Variants in CCDC191 observed in about 807,000 individuals in gnomAD.
CCDC191 encodes the protein coiled-coil domain containing 191.
CCDC191 carries 99 observed loss-of-function variants against 114.0 expected under a neutral mutation model. The ratio of observed to expected loss-of-function variants is 0.87; its 90% CI spans 0.74 to 1.03. The LOEUF (loss-of-function observed/expected upper bound fraction) is 1.03. Ranked by LOEUF, CCDC191 falls within the 50% of genes least tolerant of loss-of-function variation. CCDC191 has a pLI of 0.00. For missense variants in CCDC191, 973 were observed against 1,087.0 expected (o/e 0.90, Z 1.47); for synonymous variants, 351 against 376.0 (o/e 0.93, Z 0.77).
chr3:113,968,460 C>G (rs562729506), intron 16 of CCDC191, among the ~76,000 whole-genome samples: 2 of 151,856 alleles, frequency 1.3e-5, no homozygotes, highest in South Asian at 2.1e-4. Flanking sequence ...TCTTCCCCCC[C>G]CTTTTTTTTT....
chr3:113,980,256 A>C (rs1413717664), intron 14 of CCDC191, among the ~76,000 whole-genome samples: 1 of 152,200 alleles, frequency 6.6e-6, no homozygotes, highest in Non-Finnish European at 1.5e-5. Flanking sequence ...CCACAGACAT[A>C]TGAGTGAGAA....
At chr3:114,000,043 T>C (rs182951376) in intron 13 of CCDC191, among the ~76,000 whole-genome samples, 3 of 152,230 alleles carry the variant, frequency 2.0e-5, no homozygotes, top group Admixed American at 1.3e-4. Context: ...GAGATGTGCA[T>C]GGGTGCCATG....
At chr3:113,996,341 C>T (rs929169723) in intron 13 of CCDC191, among the ~76,000 whole-genome samples, 4 of 152,164 alleles carry the variant, frequency 2.6e-5, no homozygotes, top group Non-Finnish European at 2.9e-5. Context: ...AGCCAGTTTT[C>T]CCAGCACCAT....
At position 113,964,450 on chromosome 3, in the gene CCDC191, CTGAG is replaced by C. The variant is rs1281027839; in HGVS notation, c.*701_*704del. 2 of 152,104 alleles carry C rather than the reference CTGAG, an allele frequency of 1.3e-5. No homozygotes were observed. The highest frequency in any genetic ancestry group is 2.9e-5 in the Non-Finnish European group (2 of 68,038). 9.4% of individuals were successfully genotyped at this position (152,104 alleles called of 1,614,324 possible). ...ACTGAGCTGAGTACTAGAAGACAAA[CTGAG>C]TGTATTATTCAGCAGTTGCAGGTGG... On this transcript the variant is annotated 3_prime_UTR_variant, in exon 17 of 17. Coordinates refer to ENST00000295878, the MANE Select transcript of CCDC191 (RefSeq NM_020817.2).
In CCDC191 at chr3:114,011,106, G is replaced by C. The variant is rs1356540093; in HGVS notation, c.1164-85C>G. 9 of 1,432,234 alleles carry C rather than the reference G, an allele frequency of 6.3e-6. No homozygotes were observed. The East Asian group carries it at 1.4e-4, about 22-fold the overall frequency. 88.7% of individuals were successfully genotyped at this position (1,432,234 alleles called of 1,614,324 possible). A position where few individuals can be genotyped will look rare whatever the true frequency, so the allele number is the denominator to read the frequency against. ...ATATAAATGAAACATAAGTCCAAAAGGGTTCTAGAAATGCTCCATCTTAGC... is the reference window on the plus strand; with the variant it reads ...ATATAAATGAAACATAAGTCCAAAACGGTTCTAGAAATGCTCCATCTTAGC... On this transcript the variant is annotated intron_variant, in intron 8 of 16. Coordinates refer to ENST00000295878, the MANE Select transcript of CCDC191 (RefSeq NM_020817.2).
intron 13 of CCDC191, among the ~76,000 whole-genome samples, chr3:113,989,265 A>G (rs1206312694): frequency 2.0e-5 from 3 of 152,248 alleles, no homozygotes; most frequent in African/African-American, 4.8e-5. Context: ...GAATACAGAT[A>G]TAGATACCGT....
At chr3:114,004,044 G>T in intron 11 of CCDC191, 1 of 970,176 alleles carries the variant, frequency 1.0e-6, no homozygotes, top group Non-Finnish European at 1.2e-6. Flanking sequence ...TGAGGTGGGA[G>T]GACTCCTTGA....
intron 13 of CCDC191, among the ~76,000 whole-genome samples, chr3:113,993,810 G>C (rs1012974684): frequency 1.3e-5 from 2 of 152,102 alleles, no homozygotes; most frequent in East Asian, 1.9e-4. Context: ...GCTTGAGCCT[G>C]GGAGGTGGAG....
chr3:113,982,858 A>C (rs1192955492), intron 13 of CCDC191, among the ~76,000 whole-genome samples: 1 of 32,496 alleles, frequency 3.1e-5, no homozygotes, highest in Non-Finnish European at 6.5e-5. Context: ...ACAAAAAAAC[A>C]AAAAAAAAAA....
At chr3:114,053,135 T>G (rs969068553) in intron 2 of CCDC191, among the ~76,000 whole-genome samples, 2 of 152,232 alleles carry the variant, frequency 1.3e-5, no homozygotes, top group African/African-American at 4.8e-5. Flanking sequence ...TTAAAATAGC[T>G]TCAGTGGTAG....
chr3:113,988,490 G>A (rs774662088), intron 13 of CCDC191, among the ~76,000 whole-genome samples: 1 of 151,814 alleles, frequency 6.6e-6, no homozygotes, highest in Non-Finnish European at 1.5e-5. Flanking sequence ...GCCAGGCGTG[G>A]TGGTGCGTGC....
At chr3:114,025,956 T>C (rs1452003550) in intron 7 of CCDC191, among the ~76,000 whole-genome samples, 1 of 152,206 alleles carries the variant, frequency 6.6e-6, no homozygotes, top group East Asian at 1.9e-4. Flanking sequence ...CTCACCCACA[T>C]GGCTCTCAAG....
At chr3:114,028,612 G>A (rs1159426904) in intron 7 of CCDC191, among the ~76,000 whole-genome samples, 1 of 151,830 alleles carries the variant, frequency 6.6e-6, no homozygotes, top group African/African-American at 2.4e-5. Flanking sequence ...AGTGTACTAG[G>A]ATTACCCTAA....
intron 16 of CCDC191, among the ~76,000 whole-genome samples, chr3:113,967,883 C>T (rs912800360): frequency 6.6e-6 from 1 of 152,014 alleles, no homozygotes; most frequent in African/African-American, 2.4e-5. Flanking sequence ...TGAGTAAGAA[C>T]ATGTATTTGT....
At chr3:114,047,195 T>C (rs2107757206) in intron 2 of CCDC191, 2 of 772,428 alleles carry the variant, frequency 2.6e-6, no homozygotes, top group South Asian at 1.2e-4. Context: ...CAATCATATA[T>C]TAGGTTCAAT....
intron 6 of CCDC191, among the ~76,000 whole-genome samples, chr3:114,034,335 C>T (rs546795621): frequency 1.3e-5 from 2 of 152,188 alleles, no homozygotes; most frequent in South Asian, 4.2e-4. Flanking sequence ...TGATGATACT[C>T]CCTAAGGCTG....
chr3:114,021,686 C>A (rs753813737), intron 7 of CCDC191, among the ~76,000 whole-genome samples: 1 of 152,224 alleles, frequency 6.6e-6, no homozygotes, highest in Non-Finnish European at 1.5e-5. Context: ...TCCCTCCCCC[C>A]AGCTTACTTC....
intron 13 of CCDC191, 50 bp downstream of exon 13, chr3:114,001,545 C>T (rs200877623): frequency 7.5e-6 from 12 of 1,606,480 alleles, no homozygotes; most frequent in Non-Finnish European, 1.0e-5. Context: ...CACAGTATCA[C>T]ACACAGCAAA....
intron 7 of CCDC191, among the ~76,000 whole-genome samples, chr3:114,023,593 C>A (rs955977303): frequency 3.3e-5 from 5 of 152,180 alleles, no homozygotes; most frequent in African/African-American, 1.2e-4. Flanking sequence ...CTGACAAAAA[C>A]AAGCAATGGG....
Sources: allele counts gnomAD v4.1 joint callset (sites outside exome capture counted in the v4.1 genomes callset), GRCh38; gene constraint gnomAD v4.1.1; transcripts MANE v1.5; gene names NCBI Gene and HGNC (gene_info 2026-07-23, HGNC 2026-07-21).